Variants in PRELID2 observed in about 807,000 individuals in gnomAD.
PRELID2 encodes the protein PRELI domain containing 2, also known as PRELI domain-containing protein 2.
A neutral mutation model predicts 28.4 loss-of-function variants in PRELID2; 25 were observed. The ratio of observed to expected loss-of-function variants is 0.88; its 90% confidence interval spans 0.64 to 1.23. The LOEUF (loss-of-function observed/expected upper bound fraction) is 1.23. Ranked by LOEUF, PRELID2 falls within the 50% of genes most tolerant of loss-of-function variation. The probability of loss-of-function intolerance (pLI) is 0.00; values close to 1 mark genes in which losing one functional copy is unlikely to be tolerated. For missense variants in PRELID2, 201 were observed against 214.4 expected (o/e 0.94, Z 0.39); for synonymous variants, 76 against 71.6 (o/e 1.06, Z -0.31).
the PRELID2 span, among the ~76,000 whole-genome samples, chr5:145,380,053 G>T: frequency 6.6e-6 from 1 of 152,184 alleles, no homozygotes; most frequent in Non-Finnish European, 1.5e-5. Context: ...GTCTGCTATG[G>T]CCATGCTCCT....
the PRELID2 span, among the ~76,000 whole-genome samples, chr5:145,271,561 C>A: frequency 6.6e-6 from 1 of 152,248 alleles, no homozygotes; most frequent in South Asian, 2.1e-4. Context: ...AACACATTAT[C>A]TTTTATGTGT....
At chr5:145,620,568 T>C (rs1753760382) in intron 1 of PRELID2, among the ~76,000 whole-genome samples, 1 of 152,040 alleles carries the variant, frequency 6.6e-6, no homozygotes, top group South Asian at 2.1e-4. Context: ...CTCTAAAAAA[T>C]AAATTTTTTT....
intron 1 of PRELID2, among the ~76,000 whole-genome samples, chr5:145,713,329 C>A: frequency 8.0e-6 from 1 of 125,228 alleles, no homozygotes; most frequent in Non-Finnish European, 1.7e-5. Context: ...TACAAGAGAA[C>A]TCTAAGAATG....
At chr5:145,460,956 C>T in the PRELID2 span, among the ~76,000 whole-genome samples, 95 of 152,254 alleles carry the variant, frequency 6.2e-4, 1 homozygote, top group African/African-American at 2.2e-3. Flanking sequence ...GTAAGTAACC[C>T]TTAAAATGGA....
the PRELID2 span, among the ~76,000 whole-genome samples, chr5:145,273,293 G>T: frequency 6.6e-6 from 1 of 152,094 alleles, no homozygotes; most frequent in Non-Finnish European, 1.5e-5. Context: ...TTCCTCTCTG[G>T]CTGGACTGGG....
chr5:145,551,484 T>C (rs906149746), intron 1 of PRELID2, among the ~76,000 whole-genome samples: 1 of 152,174 alleles, frequency 6.6e-6, no homozygotes, highest in Non-Finnish European at 1.5e-5. Flanking sequence ...AACTCTTTTG[T>C]GCTCAGGTTG....
At chr5:145,428,600 G>T in the PRELID2 span, among the ~76,000 whole-genome samples, 1 of 152,250 alleles carries the variant, frequency 6.6e-6, no homozygotes, top group South Asian at 2.1e-4. Context: ...AAGTTAATGG[G>T]TGCAGCACAC....
At chr5:145,607,852 C>T (rs1399627706) in intron 1 of PRELID2, among the ~76,000 whole-genome samples, 2 of 151,986 alleles carry the variant, frequency 1.3e-5, no homozygotes, top group Middle Eastern at 3.2e-3. Context: ...TATTGAAGTC[C>T]CCCATTATTA....
chr5:145,252,856 A>G, the PRELID2 span, among the ~76,000 whole-genome samples: 8 of 152,274 alleles, frequency 5.3e-5, no homozygotes, highest in South Asian at 1.2e-3. Flanking sequence ...TATTTTATGT[A>G]TATTTCACCC....
intron 1 of PRELID2, among the ~76,000 whole-genome samples, chr5:145,748,138 G>C (rs562852961): frequency 6.6e-6 from 1 of 152,138 alleles, no homozygotes; most frequent in African/African-American, 2.4e-5. Context: ...ATTCAACATA[G>C]TATTGGAAGT....
intron 1 of PRELID2, among the ~76,000 whole-genome samples, chr5:145,620,880 A>C (rs916648085): frequency 1.3e-5 from 2 of 152,174 alleles, no homozygotes; most frequent in African/African-American, 4.8e-5. Context: ...AATAACTTAC[A>C]AAAGAATAAC....
At chr5:145,355,236 G>T in the PRELID2 span, among the ~76,000 whole-genome samples, 1 of 151,920 alleles carries the variant, frequency 6.6e-6, no homozygotes, top group African/African-American at 2.4e-5. Flanking sequence ...AATACAAGGG[G>T]TAAAAATACC....
At chr5:145,371,993 G>A in the PRELID2 span, among the ~76,000 whole-genome samples, 2 of 151,092 alleles carry the variant, frequency 1.3e-5, no homozygotes, top group Admixed American at 6.6e-5. Flanking sequence ...TGCTAGCTTT[G>A]GGATTAGTTT....
chr5:145,800,836 ACT>A (rs1472449753), intron 4 of PRELID2, among the ~76,000 whole-genome samples: 1 of 152,100 alleles, frequency 6.6e-6, no homozygotes. Context: ...CACATCAGAC[ACT>A]CTTCTTACTA....
At chr5:145,244,147 G>T in the PRELID2 span, among the ~76,000 whole-genome samples, 1 of 152,034 alleles carries the variant, frequency 6.6e-6, no homozygotes, top group Non-Finnish European at 1.5e-5. Context: ...TAGAGACGGG[G>T]TTTCAGTATG....
the PRELID2 span, among the ~76,000 whole-genome samples, chr5:145,393,957 G>A: frequency 6.6e-6 from 1 of 152,266 alleles, no homozygotes; most frequent in South Asian, 2.1e-4. Flanking sequence ...ACTTAAGACA[G>A]TCAGGACACT....
chr5:145,779,692 G>C (rs1316836846), intron 5 of PRELID2, among the ~76,000 whole-genome samples: 1 of 151,996 alleles, frequency 6.6e-6, no homozygotes, highest in Middle Eastern at 3.2e-3. Flanking sequence ...TGTGTGCCAA[G>C]GTATTTTAAG....
At chr5:145,566,189 C>G (rs1338341362) in intron 1 of PRELID2, among the ~76,000 whole-genome samples, 29 of 152,214 alleles carry the variant, frequency 1.9e-4, no homozygotes, top group Admixed American at 1.9e-3. Flanking sequence ...TCTATGATGC[C>G]TGGGTCAACC....
intron 1 of PRELID2, among the ~76,000 whole-genome samples, chr5:145,515,221 G>A (rs942281936): frequency 6.6e-6 from 1 of 152,106 alleles, no homozygotes; most frequent in Non-Finnish European, 1.5e-5. Flanking sequence ...CCAGGAGCTG[G>A]TTTTTTGAAA....
Sources: allele counts gnomAD v4.1 joint callset (sites outside exome capture counted in the v4.1 genomes callset), GRCh38; gene constraint gnomAD v4.1.1; transcripts MANE v1.5; gene names NCBI Gene and HGNC (gene_info 2026-07-23, HGNC 2026-07-21).